Variants in DCAF6 observed in about 807,000 individuals in gnomAD.
The protein encoded by DCAF6 is DDB1- and CUL4-associated factor 6.
A neutral mutation model predicts 125.1 loss-of-function variants in DCAF6; 54 were observed. The observed-to-expected ratio is 0.43, with a 90% confidence interval of 0.35 to 0.54. DCAF6 has a LOEUF of 0.54. Ranked by LOEUF, DCAF6 falls within the 20% of genes least tolerant of loss-of-function variation. The pLI is 0.01. For missense variants in DCAF6, 934 were observed against 1,161.7 expected (o/e 0.80, Z 2.85); for synonymous variants, 371 against 390.4 (o/e 0.95, Z 0.58).
At chr1:167,883,417 A>T in the DCAF6 span, 7,509 of 1,612,700 alleles carry the variant, frequency 4.7e-3, 194 homozygotes, top group East Asian at 0.085. Context: ...GTAGGTTCCC[A>T]TCCCATAGTT....
upstream of DCAF6, among the ~76,000 whole-genome samples, chr1:167,935,069 T>G (rs761404188): frequency 6.6e-6 from 1 of 152,184 alleles, no homozygotes; most frequent in Non-Finnish European, 1.5e-5. Flanking sequence ...AACAGAGATC[T>G]AGGCTTTTGC....
chr1:168,018,918 A>T (rs1430353016), intron 11 of DCAF6, among the ~76,000 whole-genome samples: 1 of 152,158 alleles, frequency 6.6e-6, no homozygotes, highest in Non-Finnish European at 1.5e-5. Context: ...CAGTTTCCCA[A>T]TTATTGATTT....
chr1:167,924,667 T>C, the DCAF6 span: 11 of 605,688 alleles, frequency 1.8e-5, no homozygotes, highest in African/African-American at 5.7e-5. Context: ...TACTATGCTT[T>C]TTGCATACTT....
In DCAF6 at chr1:167,967,564, A is replaced by C. The variant is rs1676605789; in HGVS notation, c.252+843A>C. 1.3e-5 allele frequency among the ~76,000 whole-genome samples: 2 copies of C among 152,170 alleles called. 1 individual carries two copies. Among genetic ancestry groups the C allele is most frequent in the South Asian group, 4.1e-4 (2 of 4,832 alleles). ...AGAAACCTTCTGTTTTAGAAATATG[A>C]CTAAATAGTTATTTTAAAATTTGTA... is the stretch of plus-strand genomic sequence containing the variant. On this transcript the variant is annotated intron_variant, in intron 3 of 21. Transcript: ENST00000367840.
intron 4 of DCAF6, among the ~76,000 whole-genome samples, chr1:167,986,743 C>T (rs1177260882): frequency 6.6e-6 from 1 of 152,168 alleles, no homozygotes; most frequent in Non-Finnish European, 1.5e-5. Context: ...CTGCTGCTCA[C>T]TACCTGCTTT....
At chr1:168,033,797 G>A (rs759246517) in intron 12 of DCAF6, among the ~76,000 whole-genome samples, 2 of 152,186 alleles carry the variant, frequency 1.3e-5, no homozygotes, top group Non-Finnish European at 2.9e-5. Flanking sequence ...CTAAGCTGCT[G>A]ATGTCATCAG....
the DCAF6 span, chr1:167,875,059 T>C: frequency 2.5e-6 from 3 of 1,188,498 alleles, no homozygotes; most frequent in Non-Finnish European, 2.5e-6. Context: ...TGCACAGTTA[T>C]CATTGATGTA....
chr1:167,972,970 G>A (rs114353298), intron 3 of DCAF6, among the ~76,000 whole-genome samples: 1,820 of 152,296 alleles, frequency 0.012, 41 homozygotes, highest in African/African-American at 0.041. Context: ...CTCTTAAGTG[G>A]AGGTAAATCA....
the DCAF6 span, among the ~76,000 whole-genome samples, chr1:167,907,947 T>C: frequency 6.6e-6 from 1 of 152,232 alleles, no homozygotes; most frequent in Non-Finnish European, 1.5e-5. Flanking sequence ...ATGGGCACGA[T>C]AGAAGACTTT....
At chr1:167,945,960 T>G (rs944765623) in intron 1 of DCAF6, among the ~76,000 whole-genome samples, 1 of 150,468 alleles carries the variant, frequency 6.6e-6, no homozygotes, top group Non-Finnish European at 1.5e-5. Flanking sequence ...TAAGGGTTTT[T>G]TTTTTTTTTT....
In DCAF6 at chr1:168,032,242, T is replaced by A. The variant is rs897245175; in HGVS notation, c.1610-6129T>A. ...TCACTTCTGTTTTATAAAGCCAGAT[T>A]TGCACTAGTGTAAGCACTCAATTTT... is the stretch of plus-strand genomic sequence containing the variant. On this transcript the variant is annotated intron_variant, in intron 12 of 21. Transcript: ENST00000367840. Among the ~76,000 whole-genome samples the A allele has an allele frequency of 8.5e-5, 13 of 152,364 alleles. No individual in the cohort carries two copies. The East Asian group carries it at 2.5e-3, about 29-fold the overall frequency.
At chr1:168,011,030 T>C (rs912775430) in intron 10 of DCAF6, among the ~76,000 whole-genome samples, 3 of 152,080 alleles carry the variant, frequency 2.0e-5, no homozygotes, top group Non-Finnish European at 4.4e-5. Context: ...AATTCACCTT[T>C]AGGGCTCATA....
At chr1:167,911,282 C>T in the DCAF6 span, among the ~76,000 whole-genome samples, 17 of 152,296 alleles carry the variant, frequency 1.1e-4, no homozygotes, top group East Asian at 2.5e-3. Context: ...AGTAACTTAT[C>T]TTAAAAGCAA....
chr1:167,879,230 T>A, the DCAF6 span, among the ~76,000 whole-genome samples: 3 of 152,146 alleles, frequency 2.0e-5, no homozygotes, highest in Non-Finnish European at 2.9e-5. Flanking sequence ...GCCTCCATTC[T>A]CTAACCTATA....
chr1:167,952,384 A>AT (rs919952104), intron 2 of DCAF6, among the ~76,000 whole-genome samples: 3 of 151,696 alleles, frequency 2.0e-5, no homozygotes, highest in African/African-American at 7.3e-5. Flanking sequence ...CGCCTGGCTA[A>AT]TTTTTTTGTA....
At position 168,074,420 on chromosome 1, in the gene DCAF6, G is replaced by A. The variant is rs531695609; in HGVS notation, c.2792-951G>A. On this transcript the variant is annotated intron_variant, in intron 21 of 21. Transcript: ENST00000367840. ...TCAGTGATGGTAGTGATTTTATGCT[G>A]TTGCCTTCTTCACAATACCCTTATG... Among the ~76,000 whole-genome samples the A allele has an allele frequency of 2.0e-5, 3 of 152,168 alleles. No individual in the cohort carries two copies. In the South Asian group the frequency reaches 6.2e-4, roughly 32 times the overall value.
the DCAF6 span, chr1:167,916,921 C>G: frequency 6.6e-6 from 1 of 152,158 alleles, no homozygotes; most frequent in African/African-American, 2.4e-5. Context: ...CTATGTCAAG[C>G]TCTCTAATCT....
chr1:167,909,581 A>G, the DCAF6 span, among the ~76,000 whole-genome samples: 1 of 152,006 alleles, frequency 6.6e-6, no homozygotes, highest in South Asian at 2.1e-4. Context: ...CTCATCAGCT[A>G]TCATTATTGT....
At chr1:168,024,663 A>G (rs1050435854) in intron 12 of DCAF6, among the ~76,000 whole-genome samples, 1 of 151,928 alleles carries the variant, frequency 6.6e-6, no homozygotes, top group Non-Finnish European at 1.5e-5. Flanking sequence ...AATTAGCCGG[A>G]TGTGGTGGCC....
Sources: allele counts gnomAD v4.1 joint callset (sites outside exome capture counted in the v4.1 genomes callset), GRCh38; gene constraint gnomAD v4.1.1; transcripts MANE v1.5; gene names NCBI Gene and HGNC (gene_info 2026-07-23, HGNC 2026-07-21).